AFG1L: variants seen among roughly 807,000 people sequenced by gnomAD.
AFG1L encodes the protein AFG1-like ATPase.
AFG1L carries 53 observed loss-of-function variants against 62.2 expected under a neutral mutation model. That is an observed-to-expected ratio of 0.85 (90% CI 0.68 to 1.07). The LOEUF (loss-of-function observed/expected upper bound fraction) is 1.07. AFG1L is among the 50% of genes least tolerant of loss of function. The pLI, the probability that AFG1L is intolerant of heterozygous loss-of-function variation, is 0.00. For synonymous variants in AFG1L, 228 were observed against 210.3 expected (o/e 1.08, Z -0.73); for missense variants, 555 against 590.5 (o/e 0.94, Z 0.62).
chr6:108,498,578 G>A (rs925492045), intron 10 of AFG1L, among the ~76,000 whole-genome samples: 1 of 152,192 alleles, frequency 6.6e-6, no homozygotes, highest in African/African-American at 2.4e-5. Context: ...ACAGGGTTAT[G>A]TAAGATGATT....
chr6:108,328,760 G>A (rs181611275), intron 2 of AFG1L, among the ~76,000 whole-genome samples: 1 of 152,134 alleles, frequency 6.6e-6, no homozygotes, highest in Non-Finnish European at 1.5e-5. Context: ...CAAGTATCCT[G>A]TAACTATTAA....
At chr6:108,369,309 C>T (rs535297218) in intron 6 of AFG1L, among the ~76,000 whole-genome samples, 1 of 152,086 alleles carries the variant, frequency 6.6e-6, no homozygotes, top group Non-Finnish European at 1.5e-5. Context: ...GCTAAAAACT[C>T]ATAGAACCGT....
intron 6 of AFG1L, among the ~76,000 whole-genome samples, chr6:108,381,135 A>G (rs1429611154): frequency 6.6e-6 from 1 of 152,236 alleles, no homozygotes; most frequent in African/African-American, 2.4e-5. Flanking sequence ...TCATGGGACA[A>G]TCTGGTTAAG....
chr6:108,384,587 C>T (rs1780683676), intron 6 of AFG1L, among the ~76,000 whole-genome samples: 1 of 152,158 alleles, frequency 6.6e-6, no homozygotes. Context: ...GAAAATGTGT[C>T]CCATTCTGAA....
chr6:108,375,521 G>GT (rs2114532635), intron 6 of AFG1L, among the ~76,000 whole-genome samples: 2 of 152,084 alleles, frequency 1.3e-5, no homozygotes, highest in East Asian at 3.9e-4. Flanking sequence ...TTTCTTGAGG[G>GT]TTTTTATCAT....
intron 10 of AFG1L, among the ~76,000 whole-genome samples, chr6:108,494,057 A>C (rs1280744459): frequency 6.6e-6 from 1 of 152,072 alleles, no homozygotes; most frequent in Non-Finnish European, 1.5e-5. Flanking sequence ...CTCGAGCTCA[A>C]GCAATCCGCC....
rs147618755 is a variant in AFG1L at position 108,344,304 on chromosome 6, G to T, written c.364-2684G>T. On this transcript the variant is annotated intron_variant, in intron 2 of 12. Coordinates refer to ENST00000368977, the MANE Select transcript of AFG1L (RefSeq NM_145315.5). ...ATTTTTGTATTTTCAGAAGAGACAG[G>T]GTTTGACCATGTTGGCCAGGCTGGT... 2.0e-3 allele frequency among the ~76,000 whole-genome samples: 297 copies of T among 152,226 alleles called. 2 individuals carry two copies. Among genetic ancestry groups the T allele is most frequent in the Middle Eastern group, 3.4e-3 (1 of 294 alleles).
intron 1 of AFG1L, among the ~76,000 whole-genome samples, chr6:108,314,642 G>A (rs1166334503): frequency 6.6e-6 from 1 of 151,870 alleles, no homozygotes; most frequent in African/African-American, 2.4e-5. Flanking sequence ...CAGGCCATCC[G>A]CCCGCCTCGG....
At chr6:108,346,407 CT>C (rs1437708966) in intron 2 of AFG1L, among the ~76,000 whole-genome samples, 2 of 151,548 alleles carry the variant, frequency 1.3e-5, no homozygotes, top group African/African-American at 4.9e-5. Flanking sequence ...GCTCTGTTGT[CT>C]AGGCTGCAGT....
chr6:108,505,854 T>C (rs1392051467), intron 10 of AFG1L, among the ~76,000 whole-genome samples: 4 of 152,142 alleles, frequency 2.6e-5, no homozygotes, highest in African/African-American at 9.7e-5. Context: ...ACGTTTAACC[T>C]AGGTGCATTT....
In AFG1L at chr6:108,339,154, CTTTTT is replaced by C. The variant is rs1167540040; in HGVS notation, c.364-7824_364-7820del. 1.6e-4 allele frequency among the ~76,000 whole-genome samples: 22 copies of C among 140,264 alleles called. No homozygotes were observed. In the South Asian group the frequency reaches 5.0e-3, roughly 32 times the overall value. 92.0% of individuals were successfully genotyped at this position (140,264 alleles called of 152,430 possible). ...TCTTTGTTTATTAAGAAAATAAACT[CTTTTT>C]TTTTTTTTTGAGACAGATTCTTGCT... On this transcript the variant is annotated intron_variant, in intron 2 of 12. Coordinates refer to ENST00000368977, the MANE Select transcript of AFG1L (RefSeq NM_145315.5).
intron 8 of AFG1L, among the ~76,000 whole-genome samples, chr6:108,466,823 C>T (rs2114791342): frequency 6.7e-6 from 1 of 149,240 alleles, no homozygotes; most frequent in Admixed American, 6.7e-5. Context: ...TTTAAGCCAC[C>T]CAGTCTGTGG....
At chr6:108,498,649 C>T (rs1774061114) in intron 10 of AFG1L, among the ~76,000 whole-genome samples, 1 of 152,234 alleles carries the variant, frequency 6.6e-6, no homozygotes, top group South Asian at 2.1e-4. Flanking sequence ...ATTATATAAT[C>T]ATGAGAAGAA....
chr6:108,414,899 T>C (rs1782290434), intron 7 of AFG1L, among the ~76,000 whole-genome samples: 1 of 152,096 alleles, frequency 6.6e-6, no homozygotes, highest in African/African-American at 2.4e-5. Flanking sequence ...CTATTCAACA[T>C]AGTGTTAGAA....
intron 7 of AFG1L, among the ~76,000 whole-genome samples, chr6:108,403,168 A>T (rs942229067): frequency 7.2e-5 from 11 of 152,132 alleles, no homozygotes; most frequent in East Asian, 1.9e-4. Flanking sequence ...TAAAATATAT[A>T]AAAAAATCCC....
At chr6:108,445,752 G>A (rs1408307221) in intron 7 of AFG1L, among the ~76,000 whole-genome samples, 1 of 151,756 alleles carries the variant, frequency 6.6e-6, no homozygotes, top group Non-Finnish European at 1.5e-5. Context: ...TTCTATGGGT[G>A]CAGTTTGTGG....
intron 6 of AFG1L, among the ~76,000 whole-genome samples, chr6:108,384,080 A>AAT (rs934110396): frequency 2.0e-5 from 3 of 150,254 alleles, no homozygotes; most frequent in African/African-American, 7.3e-5. Context: ...AAAAAAAAAA[A>AAT]GGCTGGCAGA....
intron 6 of AFG1L, among the ~76,000 whole-genome samples, chr6:108,375,369 G>A (rs1780199226): frequency 6.6e-6 from 1 of 152,042 alleles, no homozygotes; most frequent in Admixed American, 6.6e-5. Context: ...TACATGAATA[G>A]GAGTGGTGAG....
At chr6:108,394,059 C>T (rs193168921) in intron 6 of AFG1L, among the ~76,000 whole-genome samples, 47 of 149,026 alleles carry the variant, frequency 3.2e-4, no homozygotes, top group African/African-American at 1.1e-3. Context: ...CCTCCCTCCT[C>T]CTTTCCTTTC....
Sources: allele counts gnomAD v4.1 joint callset (sites outside exome capture counted in the v4.1 genomes callset), GRCh38; gene constraint gnomAD v4.1.1; transcripts MANE v1.5; gene names NCBI Gene and HGNC (gene_info 2026-07-23, HGNC 2026-07-21).